The following PLCB4 variants were observed in gnomAD, a reference collection of about 807,000 sequenced individuals.
PLCB4 encodes the protein 1-phosphatidylinositol 4,5-bisphosphate phosphodiesterase beta-4.
A neutral mutation model predicts 178.8 loss-of-function variants in PLCB4; 77 were observed. That is an observed-to-expected ratio of 0.43 (90% confidence interval 0.36 to 0.52). PLCB4 has a LOEUF of 0.52. Among genes scored for constraint, PLCB4 ranks in the 20% least tolerant of loss-of-function variants. The pLI is 0.00. For missense variants in PLCB4, 1,024 were observed against 1,453.4 expected (o/e 0.70, Z 4.80); for synonymous variants, 496 against 490.8 (o/e 1.01, Z -0.14).
rs542583141 is a variant in PLCB4 at position 9,272,334 on chromosome 20, C to T, written c.-15-35466C>T. Among the ~76,000 whole-genome samples, 5 of 152,162 alleles carry T rather than the reference C, an allele frequency of 3.3e-5. No individual in the cohort carries two copies. The East Asian group carries it at 9.7e-4, about 30-fold the overall frequency. Reference sequence around the variant, plus strand: ...TGAAGAAATTAAATCAGATCAGGGCCTTGTACCTAAAACATTACATGTGCT... The same window carrying T: ...TGAAGAAATTAAATCAGATCAGGGCTTTGTACCTAAAACATTACATGTGCT... On this transcript the variant is annotated intron_variant, in intron 3 of 39. Transcript: ENST00000378473.
intron 1 of PLCB4, among the ~76,000 whole-genome samples, chr20:9,081,883 T>C (rs181197159): frequency 6.6e-6 from 1 of 151,636 alleles, no homozygotes; most frequent in African/African-American, 2.4e-5. Context: ...GAATAATCAA[T>C]TTGGAAATAT....
At chr20:9,153,659 T>C (rs1043794509) in intron 2 of PLCB4, among the ~76,000 whole-genome samples, 3 of 152,290 alleles carry the variant, frequency 2.0e-5, no homozygotes, top group African/African-American at 7.2e-5. Context: ...TTATTTGTAA[T>C]TGGATGTTTA....
At chr20:9,296,955 A>G (rs991026292) in intron 3 of PLCB4, among the ~76,000 whole-genome samples, 2 of 152,134 alleles carry the variant, frequency 1.3e-5, no homozygotes, top group African/African-American at 2.4e-5. Context: ...ACATGTATAC[A>G]TATGTAACTA....
intron 3 of PLCB4, among the ~76,000 whole-genome samples, chr20:9,302,245 G>C (rs1434589871): frequency 6.6e-6 from 1 of 152,010 alleles, no homozygotes; most frequent in Middle Eastern, 3.4e-3. Context: ...TAGTTATAGG[G>C]TGGCCAGTTC....
intron 3 of PLCB4, among the ~76,000 whole-genome samples, chr20:9,243,940 A>G (rs1308069382): frequency 6.6e-6 from 1 of 152,210 alleles, no homozygotes; most frequent in Non-Finnish European, 1.5e-5. Context: ...GCCTTCATGA[A>G]AAGTTATTTT....
intron 6 of PLCB4, 38 bp from the exon 7 acceptor site, chr20:9,338,856 T>C: frequency 6.4e-7 from 1 of 1,561,850 alleles, no homozygotes; most frequent in South Asian, 1.2e-5. Context: ...CTCTGTGATG[T>C]AACTTATTTT....
intron 2 of PLCB4, among the ~76,000 whole-genome samples, chr20:9,138,014 A>C (rs1291374167): frequency 6.6e-6 from 1 of 152,148 alleles, no homozygotes; most frequent in African/African-American, 2.4e-5. Context: ...TTTTACGTGC[A>C]TATAAATGAG....
chr20:9,128,406 A>C (rs1400046349), intron 2 of PLCB4, among the ~76,000 whole-genome samples: 2 of 152,084 alleles, frequency 1.3e-5, no homozygotes, highest in African/African-American at 4.8e-5. Context: ...CTAACACACC[A>C]TCTTAACCAT....
chr20:9,389,772 G>A (rs962719785), intron 15 of PLCB4, 107 bp from the exon 16 acceptor site: 8 of 633,162 alleles, frequency 1.3e-5, no homozygotes, highest in African/African-American at 3.6e-5. Flanking sequence ...GGTCTGAATT[G>A]CTGGAATTGA....
At chr20:9,137,237 G>C (rs1185201372) in intron 2 of PLCB4, among the ~76,000 whole-genome samples, 4 of 152,064 alleles carry the variant, frequency 2.6e-5, no homozygotes, top group Non-Finnish European at 5.9e-5. Flanking sequence ...CCGTTTGAGT[G>C]TTCCATCTGT....
intron 12 of PLCB4, 90 bp from the exon 13 acceptor site, chr20:9,379,964 T>C: frequency 1.6e-6 from 1 of 637,786 alleles, no homozygotes; most frequent in Admixed American, 3.1e-5. Context: ...AGTCTAGATA[T>C]ATTTTGTTTT....
intron 3 of PLCB4, among the ~76,000 whole-genome samples, chr20:9,301,213 T>C (rs1454861998): frequency 6.6e-6 from 1 of 151,894 alleles, no homozygotes; most frequent in South Asian, 2.1e-4. Flanking sequence ...TAAGTCCCTT[T>C]TTGCCCTGTA....
At position 9,419,821 on chromosome 20, in the gene PLCB4, C is replaced by A; in HGVS notation, c.2066C>A (p.Pro689Gln). Residue 689 changes from proline (P) to glutamine (Q), a missense_variant, in exon 26 of 40, where the codon CCA becomes CAA. This residue lies in a region of PLCB4 where 227 missense variants were observed against 374.3 expected (regional missense o/e 0.61). Transcript: ENST00000378473. The stretch of plus-strand genomic sequence containing the variant: ...TGTCCTACCAGGTACCTTCTCAAAC[C>A]AGATTTCATGAGGCGGCCTGATCGA... ...YNGSCGYLLK[P>Q]DFMRRPDRTF... 1 of 1,613,158 alleles carries A rather than the reference C, an allele frequency of 6.2e-7. No individual in the cohort carries two copies. The highest frequency in any genetic ancestry group is 8.5e-7 in the Non-Finnish European group (1 of 1,179,120).
intron 2 of PLCB4, among the ~76,000 whole-genome samples, chr20:9,216,970 C>G (rs916762917): frequency 4.6e-5 from 7 of 152,208 alleles, no homozygotes; most frequent in East Asian, 3.8e-4. Context: ...AAAAAAGACT[C>G]TCTTTGCAAA....
At chr20:9,211,447 CTCAGACCTACAG>C (rs1280575015) in intron 2 of PLCB4, among the ~76,000 whole-genome samples, 1 of 152,208 alleles carries the variant, frequency 6.6e-6, no homozygotes, top group Non-Finnish European at 1.5e-5. Context: ...CAGGCCCTGC[CTCAGACCTACAG>C]TCAAACAGAA....
At chr20:9,418,733 C>T (rs893242331) in intron 25 of PLCB4, among the ~76,000 whole-genome samples, 1 of 152,150 alleles carries the variant, frequency 6.6e-6, no homozygotes, top group African/African-American at 2.4e-5. Context: ...ATAGAGATTA[C>T]ACTGAATTCA....
intron 2 of PLCB4, among the ~76,000 whole-genome samples, chr20:9,191,250 C>T (rs372682574): frequency 9.9e-5 from 15 of 151,344 alleles, no homozygotes; most frequent in African/African-American, 3.4e-4. Context: ...AACTTAAACA[C>T]TGCTGTGTGG....
At chr20:9,380,021 A>G (rs1037205352) in intron 12 of PLCB4, 33 bp from the exon 13 acceptor site, 8 of 1,162,456 alleles carry the variant, frequency 6.9e-6, no homozygotes, top group Admixed American at 3.8e-5. Flanking sequence ...GCCAAGAAAT[A>G]TCAACCTAAA....
chr20:9,155,886 G>T (rs371073026), intron 2 of PLCB4, among the ~76,000 whole-genome samples: 2 of 151,762 alleles, frequency 1.3e-5, no homozygotes, highest in African/African-American at 2.4e-5. Context: ...ACTTTTTTTT[G>T]TGTGTGCCTC....
Sources: allele counts gnomAD v4.1 joint callset (sites outside exome capture counted in the v4.1 genomes callset), GRCh38; gene constraint gnomAD v4.1.1; regional missense constraint gnomAD v4.1.1; transcripts MANE v1.5; gene names NCBI Gene and HGNC (gene_info 2026-07-23, HGNC 2026-07-21).